Variants in WDR33 observed in about 807,000 individuals in gnomAD.
WDR33 encodes the protein WD repeat domain 33.
In WDR33, 47 loss-of-function variants were observed where a neutral mutation model predicts 164.9. The observed-to-expected ratio is 0.29, with a 90% CI of 0.23 to 0.36. The LOEUF (loss-of-function observed/expected upper bound fraction) is 0.36, where lower values mean the gene tolerates loss of function less well. Among genes scored for constraint, WDR33 ranks in the 10% least tolerant of loss-of-function variants. The probability of loss-of-function intolerance (pLI) is 1.00; values close to 1 mark genes in which losing one functional copy is unlikely to be tolerated. For synonymous variants in WDR33, 505 were observed against 589.0 expected, an observed-to-expected ratio of 0.86 and a Z score of 2.06; for missense variants, 1,137 against 1,754.1, an observed-to-expected ratio of 0.65 and a Z score of 6.28.
rs557625467 is a variant in WDR33, at chr2:127,805,665, C to T, written c.-24+5347G>A. ...CCTTTGAAACTGCCCAAAAAGCAGG[C>T]CAAGAAGATGAATAAGGCTTTCAAG... On this transcript the variant is annotated intron_variant, in intron 1 of 21. Coordinates refer to ENST00000322313, the MANE Select transcript of WDR33 (RefSeq NM_018383.5). Among the ~76,000 whole-genome samples, 3 of 151,842 alleles carry T rather than the reference C, an allele frequency of 2.0e-5. No homozygotes were observed. In the South Asian group the frequency reaches 6.3e-4, roughly 32 times the overall value.
rs543845129 is a variant in WDR33, at chr2:127,720,517, G to A, written c.1672-164C>T. Among the ~76,000 whole-genome samples the A allele has an allele frequency of 2.0e-5, 3 of 152,234 alleles. No homozygotes were observed. The highest frequency in any genetic ancestry group is 3.9e-4 in the East Asian group (2 of 5,182). ...AGAGTCCATGCAACACTCAAGCACT[G>A]TAAGGAGTTTTAGGTTCTTTCTCAT... On this transcript the variant is annotated intron_variant, in intron 15 of 21. Transcript: ENST00000322313. This position sits in a 1 kb window ranked among gnomAD's most constrained non-coding sequence, Gnocchi z 5.9.
At chr2:127,807,967 A>AAAAC (rs1031503286) in intron 1 of WDR33, among the ~76,000 whole-genome samples, 1 of 152,180 alleles carries the variant, frequency 6.6e-6, no homozygotes, top group African/African-American at 2.4e-5. Flanking sequence ...CCTGTCTCAG[A>AAAAC]AAACAAACAA....
At chr2:127,707,229 TAAAAAAAAAAAA>T (rs200273049) in intron 21 of WDR33, among the ~76,000 whole-genome samples, 1 of 122,594 alleles carries the variant, frequency 8.2e-6, no homozygotes, top group African/African-American at 3.0e-5. Context: ...AGAATATATT[TAAAAAAAAAAAA>T]AAAAGAAAAA....
At position 127,722,537 on chromosome 2, in the gene WDR33, A is replaced by G. The variant is rs1249586069; in HGVS notation, c.1518+54T>C. ...GTGAGATAATCCAAGAGAAACCTCA[A>G]ACTAACCAACCAAAACCTCTCTGCG... On this transcript the variant is annotated intron_variant, in intron 14 of 21. Coordinates refer to ENST00000322313, the MANE Select transcript of WDR33 (RefSeq NM_018383.5). The surrounding 1 kb of genome is among the most constrained non-coding windows in gnomAD (Gnocchi z 5.1). The G allele has an allele frequency of 1.9e-6, 3 of 1,584,878 alleles. No individual in the cohort carries two copies. Among genetic ancestry groups the G allele is most frequent in the Non-Finnish European group, 2.6e-6 (3 of 1,168,636 alleles).
At chr2:127,736,569 G>A in intron 7 of WDR33, 1 of 985,376 alleles carries the variant, frequency 1.0e-6, no homozygotes, top group Non-Finnish European at 1.2e-6. Flanking sequence ...GCCTATGTAG[G>A]TAAAATGGTT....
At position 127,702,075 on chromosome 2, in the gene WDR33, G is replaced by C; in HGVS notation, c.*4248C>G. The C allele has an allele frequency of 3.3e-6, 4 of 1,222,366 alleles. No individual in the cohort carries two copies. Among genetic ancestry groups the C allele is most frequent in the Non-Finnish European group, 4.1e-6 (4 of 983,312 alleles). The allele number at this position is 1,222,366 out of a possible 1,614,324, so 75.7% of individuals were successfully genotyped here. A position where few individuals can be genotyped will look rare whatever the true frequency, so the allele number is the denominator to read the frequency against. On this transcript the variant is annotated 3_prime_UTR_variant, in exon 22 of 22. Transcript: ENST00000322313. ...CGCGCAGGTGGCCGCGCTGCTGGCCGCGCTGGTTGGGCTGCTGCCCTGGGG... is the reference window on the plus strand; with the variant it reads ...CGCGCAGGTGGCCGCGCTGCTGGCCCCGCTGGTTGGGCTGCTGCCCTGGGG...
intron 7 of WDR33, 161 bp downstream of exon 7, chr2:127,762,901 G>A (rs1256200586): frequency 7.0e-7 from 1 of 1,423,546 alleles, no homozygotes; most frequent in Non-Finnish European, 9.2e-7. Context: ...AAATGACTGT[G>A]AGTCAGAGAA....
At chr2:127,805,232 C>G (rs908918332) in intron 1 of WDR33, among the ~76,000 whole-genome samples, 1 of 151,648 alleles carries the variant, frequency 6.6e-6, no homozygotes, top group Non-Finnish European at 1.5e-5. Context: ...CGCAGGCCAC[C>G]AAACCCAGCA....
At chr2:127,736,698 G>A in intron 7 of WDR33, 6 of 985,338 alleles carry the variant, frequency 6.1e-6, no homozygotes, top group Non-Finnish European at 7.2e-6. Context: ...TTAGTGCCGT[G>A]TAACTTCTTA....
intron 7 of WDR33, chr2:127,737,800 C>T (rs1686893181): frequency 7.6e-7 from 1 of 1,310,134 alleles, no homozygotes; most frequent in Admixed American, 4.0e-5. Flanking sequence ...TTTCAGTTGG[C>T]CAGATTAAGG....
intron 3 of WDR33, among the ~76,000 whole-genome samples, chr2:127,768,641 T>G (rs1445772339): frequency 2.0e-5 from 3 of 152,128 alleles, no homozygotes; most frequent in African/African-American, 7.2e-5. Context: ...TTTAAGAAAT[T>G]TAAAATTAAC....
At chr2:127,791,644 C>T (rs1419557665) in intron 1 of WDR33, among the ~76,000 whole-genome samples, 4 of 152,150 alleles carry the variant, frequency 2.6e-5, no homozygotes, top group African/African-American at 9.7e-5. Context: ...CTGGGGGTTA[C>T]TACTTCAGCA....
chr2:127,803,287 A>C (rs961782125), intron 1 of WDR33, among the ~76,000 whole-genome samples: 1 of 152,160 alleles, frequency 6.6e-6, no homozygotes, highest in Non-Finnish European at 1.5e-5. Flanking sequence ...GGAATTTAAA[A>C]TACCAATGTA....
At chr2:127,779,452 C>T (rs964093718) in intron 1 of WDR33, among the ~76,000 whole-genome samples, 2 of 151,304 alleles carry the variant, frequency 1.3e-5, no homozygotes, top group Non-Finnish European at 1.5e-5. Flanking sequence ...GGCAACAGGG[C>T]GAGACTCCGT....
At position 127,712,143 on chromosome 2, in the gene WDR33, C is replaced by A. The variant is rs1255327228; in HGVS notation, c.3308+1440G>T. On this transcript the variant is annotated intron_variant, in intron 18 of 21. Transcript: ENST00000322313. The surrounding 1 kb of genome is among the most constrained non-coding windows in gnomAD (Gnocchi z 4.0). ...AGGCGCAGTGGCTCACGCCTATAATCCCTGCACTCTGGGGGGGCTGAAGAA... is the reference window on the plus strand; with the variant it reads ...AGGCGCAGTGGCTCACGCCTATAATACCTGCACTCTGGGGGGGCTGAAGAA... 6.6e-6 allele frequency among the ~76,000 whole-genome samples: 1 copy of A among 152,022 alleles called. No homozygotes were observed.
chr2:127,806,910 A>T (rs2104692199), intron 1 of WDR33, among the ~76,000 whole-genome samples: 1 of 152,344 alleles, frequency 6.6e-6, no homozygotes, highest in East Asian at 1.9e-4. Flanking sequence ...GAGGATATAG[A>T]GTTAAAGCAA....
chr2:127,701,402 TCCGCGAGCGCCGCAGGCCCTG>T lies in WDR33; in HGVS notation c.*4900_*4920del. 11 of 972,948 alleles carry T rather than the reference TCCGCGAGCGCCGCAGGCCCTG, an allele frequency of 1.1e-5. No individual in the cohort carries two copies. The highest frequency in any genetic ancestry group is 1.5e-5 in the Non-Finnish European group (11 of 755,302). 60.3% of individuals were successfully genotyped at this position (972,948 alleles called of 1,614,324 possible). A position where few individuals can be genotyped will look rare whatever the true frequency, so the allele number is the denominator to read the frequency against. On this transcript the variant is annotated 3_prime_UTR_variant, in exon 22 of 22. Transcript: ENST00000322313. ...TCCGCAGAGCAGGCACCGCGGCACT[TCCGCGAGCGCCGCAGGCCCTG>T]CCCCTTTCGCCGTCGCCGACCAATT...
intron 1 of WDR33, among the ~76,000 whole-genome samples, chr2:127,792,944 C>T (rs1688892319): frequency 6.6e-6 from 1 of 152,112 alleles, no homozygotes; most frequent in Admixed American, 6.5e-5. Context: ...ACTATAAACA[C>T]ACTCATAGAG....
rs551631421 is a variant in WDR33, at chr2:127,756,607, G to A, written c.724+6455C>T. Reference sequence around the variant, plus strand: ...ATAAGCTGAGATTTATAAAAGAACAGGGTAACTAATTCATCAGAACAAAAA... The same window carrying A: ...ATAAGCTGAGATTTATAAAAGAACAAGGTAACTAATTCATCAGAACAAAAA... On this transcript the variant is annotated intron_variant, in intron 7 of 21. Coordinates refer to ENST00000322313, the MANE Select transcript of WDR33 (RefSeq NM_018383.5). Among the ~76,000 whole-genome samples the A allele has an allele frequency of 3.7e-4, 57 of 152,156 alleles. No individual in the cohort carries two copies. The Middle Eastern group carries it at 0.01, about 27-fold the overall frequency.
Sources: allele counts gnomAD v4.1 joint callset (sites outside exome capture counted in the v4.1 genomes callset), GRCh38; gene constraint gnomAD v4.1.1; non-coding constraint Gnocchi (gnomAD v3.1); transcripts MANE v1.5; gene names NCBI Gene and HGNC (gene_info 2026-07-23, HGNC 2026-07-21).